The following GSG1L variants were observed in gnomAD, a reference collection of about 807,000 sequenced individuals.
GSG1L encodes the protein GSG1 like.
In GSG1L, 24 loss-of-function variants were observed where a neutral mutation model predicts 42.1. That is an observed-to-expected ratio of 0.57 (90% CI 0.41 to 0.80). GSG1L has a LOEUF of 0.80. Ranked by LOEUF, GSG1L falls within the 30% of genes least tolerant of loss-of-function variation. The pLI is 0.00. For missense variants in GSG1L, 445 were observed against 472.2 expected (o/e 0.94, Z 0.53); for synonymous variants, 215 against 203.5 (o/e 1.06, Z -0.48).
intron 2 of GSG1L, among the ~76,000 whole-genome samples, chr16:27,945,564 G>A (rs1260376430): frequency 1.3e-5 from 2 of 152,188 alleles, no homozygotes; most frequent in African/African-American, 2.4e-5. Flanking sequence ...GGGCATCCCC[G>A]CCAAGAGACA....
At chr16:27,827,896 A>G (rs199715923) in intron 5 of GSG1L, among the ~76,000 whole-genome samples, 2 of 75,382 alleles carry the variant, frequency 2.7e-5, no homozygotes, top group Admixed American at 1.6e-4. Context: ...CCATCCATCC[A>G]TCCATCCCTT....
intron 5 of GSG1L, among the ~76,000 whole-genome samples, chr16:27,815,608 G>A (rs778113930): frequency 2.6e-5 from 4 of 152,182 alleles, no homozygotes; most frequent in Admixed American, 6.5e-5. Flanking sequence ...AGGTGGAACC[G>A]GGCACCCCAG....
At chr16:28,023,094 G>T (rs2085862782) in intron 1 of GSG1L, among the ~76,000 whole-genome samples, 1 of 152,176 alleles carries the variant, frequency 6.6e-6, no homozygotes, top group African/African-American at 2.4e-5. Flanking sequence ...CTCCCAAAAT[G>T]CGGGGATTGT....
intron 1 of GSG1L, among the ~76,000 whole-genome samples, chr16:27,992,422 G>A (rs1345117647): frequency 6.6e-6 from 1 of 152,002 alleles, no homozygotes; most frequent in African/African-American, 2.4e-5. Flanking sequence ...TTGAACCTGG[G>A]AGGCCAAGGT....
At chr16:28,047,373 C>G (rs1053525581) in intron 1 of GSG1L, among the ~76,000 whole-genome samples, 3 of 151,304 alleles carry the variant, frequency 2.0e-5, no homozygotes, top group South Asian at 2.1e-4. Flanking sequence ...AAAAAAGAAG[C>G]AAAACCTAAT....
At chr16:28,017,185 C>T (rs1057046638) in intron 1 of GSG1L, among the ~76,000 whole-genome samples, 1 of 151,992 alleles carries the variant, frequency 6.6e-6, no homozygotes, top group African/African-American at 2.4e-5. Flanking sequence ...ATTTCAGGAC[C>T]CCAGCATCAT....
chr16:27,992,322 C>CA (rs1567547711), intron 1 of GSG1L, among the ~76,000 whole-genome samples: 1 of 152,094 alleles, frequency 6.6e-6, no homozygotes, highest in African/African-American at 2.4e-5. Flanking sequence ...GGTGAAACCT[C>CA]GTCTCTACTA....
At chr16:28,050,020 A>G (rs1178460671) in intron 1 of GSG1L, among the ~76,000 whole-genome samples, 1 of 152,160 alleles carries the variant, frequency 6.6e-6, no homozygotes, top group East Asian at 1.9e-4. Context: ...AACCTTATAT[A>G]TGAAGTTCAC....
At chr16:27,952,387 AG>A (rs2084959729) in intron 2 of GSG1L, among the ~76,000 whole-genome samples, 1 of 152,216 alleles carries the variant, frequency 6.6e-6, no homozygotes. Context: ...GTTTAGGGAT[AG>A]CTTTTCACAA....
At chr16:28,025,161 G>A (rs1318102298) in intron 1 of GSG1L, among the ~76,000 whole-genome samples, 2 of 152,166 alleles carry the variant, frequency 1.3e-5, no homozygotes, top group Non-Finnish European at 2.9e-5. Context: ...AAAGGCTGGG[G>A]CTCTGGGAAG....
At chr16:27,982,709 C>G (rs1262955763) in intron 1 of GSG1L, among the ~76,000 whole-genome samples, 1 of 152,116 alleles carries the variant, frequency 6.6e-6, no homozygotes, top group African/African-American at 2.4e-5. Flanking sequence ...CCTCAGGAAG[C>G]TTTTACTCAT....
rs912812637 is a variant in GSG1L at position 28,005,395 on chromosome 16, A to G, written c.350-42192T>C. 2.6e-5 allele frequency among the ~76,000 whole-genome samples: 4 copies of G among 152,284 alleles called. No individual in the cohort carries two copies. In the East Asian group the frequency reaches 7.7e-4, roughly 29 times the overall value. On this transcript the variant is annotated intron_variant, in intron 1 of 6. Coordinates refer to ENST00000447459, the MANE Select transcript of GSG1L (RefSeq NM_001109763.2). Reference sequence around the variant, plus strand: ...TCCCAAAGTGGTGGGATTACAGCCCAGCCTGTCTCCCTGACTTGTAGATGC... The same window carrying G: ...TCCCAAAGTGGTGGGATTACAGCCCGGCCTGTCTCCCTGACTTGTAGATGC...
At chr16:28,015,129 G>T (rs1473771479) in intron 1 of GSG1L, among the ~76,000 whole-genome samples, 1 of 152,200 alleles carries the variant, frequency 6.6e-6, no homozygotes, top group Non-Finnish European at 1.5e-5. Flanking sequence ...TGCCTTCTTT[G>T]CCTGGGCAAG....
intron 1 of GSG1L, among the ~76,000 whole-genome samples, chr16:27,991,902 G>A (rs748845369): frequency 7.2e-5 from 11 of 152,074 alleles, no homozygotes; most frequent in Non-Finnish European, 1.2e-4. Flanking sequence ...CATACCAAGC[G>A]TCTTCTCTCC....
chr16:28,025,692 G>C (rs762000624), intron 1 of GSG1L, among the ~76,000 whole-genome samples: 2 of 152,224 alleles, frequency 1.3e-5, no homozygotes, highest in Non-Finnish European at 2.9e-5. Flanking sequence ...CCGGGCCTTT[G>C]CCTGGGACCC....
rs538437977 is a variant in GSG1L, at chr16:27,791,084, C to T, written c.*286G>A. 3 of 292,006 alleles carry T rather than the reference C, an allele frequency of 1.0e-5. No homozygotes were observed. Among genetic ancestry groups the T allele is most frequent in the South Asian group, 1.6e-4 (1 of 6,068 alleles). 18.1% of individuals were successfully genotyped at this position (292,006 alleles called of 1,614,324 possible). A position where few individuals can be genotyped will look rare whatever the true frequency, so the allele number is the denominator to read the frequency against. On this transcript the variant is annotated 3_prime_UTR_variant, in exon 7 of 7. Transcript: ENST00000447459. ...CCAGTGGCCATGTGTCTCCTGGCAT[C>T]GCAGCTGTGCCCAGCAGGGCTCATG...
chr16:27,914,653 A>G (rs1048412296), intron 2 of GSG1L, among the ~76,000 whole-genome samples: 3 of 151,862 alleles, frequency 2.0e-5, no homozygotes, highest in African/African-American at 7.3e-5. Context: ...CCTCCCGAGT[A>G]GCTGGGACCC....
rs1034683479 is a variant in GSG1L, at chr16:27,884,826, C to T, written c.398-188G>A. ...TGTCTGCAGGGGCCGGCTCAGGGAC[C>T]GAAGCTTAAGTCAGCATTCTCTGGA... On this transcript the variant is annotated intron_variant, in intron 2 of 6. Coordinates refer to ENST00000447459, the MANE Select transcript of GSG1L (RefSeq NM_001109763.2). This position sits in a 1 kb window ranked among gnomAD's most constrained non-coding sequence, Gnocchi z 4.4. Among the ~76,000 whole-genome samples, 16 of 152,176 alleles carry T rather than the reference C, an allele frequency of 1.1e-4. No individual in the cohort carries two copies. The highest frequency in any genetic ancestry group is 3.9e-4 in the African/African-American group (16 of 41,450).
rs546461016 is a variant in GSG1L at position 27,867,763 on chromosome 16, C to G, written c.550+16723G>C. Among the ~76,000 whole-genome samples the G allele has an allele frequency of 3.3e-5, 5 of 152,110 alleles. No homozygotes were observed. In the East Asian group the frequency reaches 9.7e-4, roughly 30 times the overall value. On this transcript the variant is annotated intron_variant, in intron 3 of 6. Coordinates refer to ENST00000447459, the MANE Select transcript of GSG1L (RefSeq NM_001109763.2). Reference sequence around the variant, plus strand: ...ACCCACCCTGAGGATCTCCGGCGGCCCCACCCACCCACTCGGCTTCCTCCT... The same window carrying G: ...ACCCACCCTGAGGATCTCCGGCGGCGCCACCCACCCACTCGGCTTCCTCCT...
Sources: gnomAD v4.1 joint callset for allele counts (sites outside exome capture counted in the v4.1 genomes callset) on GRCh38, gnomAD v4.1.1 for gene constraint, Gnocchi (gnomAD v3.1) non-coding constraint, MANE v1.5 for transcripts, NCBI Gene and HGNC (gene_info 2026-07-23, HGNC 2026-07-21) for gene names.